Variants in PPP1R12B observed in about 807,000 individuals in gnomAD.
PPP1R12B encodes myosin phosphatase target subunit 2.
PPP1R12B carries 76 observed loss-of-function variants against 126.1 expected under a neutral mutation model. The ratio of observed to expected loss-of-function variants is 0.60; its 90% confidence interval spans 0.50 to 0.73. The LOEUF (loss-of-function observed/expected upper bound fraction) is 0.73. Among genes scored for constraint, PPP1R12B ranks in the 30% least tolerant of loss-of-function variants. PPP1R12B has a pLI of 0.00. For missense variants in PPP1R12B, 1,052 were observed against 1,205.1 expected, an observed-to-expected ratio of 0.87 and a Z score of 1.88; for synonymous variants, 356 against 434.7, an observed-to-expected ratio of 0.82 and a Z score of 2.25.
At chr1:202,401,189 T>G (rs1665772795) in intron 1 of PPP1R12B, among the ~76,000 whole-genome samples, 1 of 151,752 alleles carries the variant, frequency 6.6e-6, no homozygotes, top group Non-Finnish European at 1.5e-5. Flanking sequence ...TTTTTTCTCT[T>G]TTTTCTCTTT....
intron 13 of PPP1R12B, among the ~76,000 whole-genome samples, chr1:202,460,143 C>T (rs1674132337): frequency 6.6e-6 from 1 of 152,198 alleles, no homozygotes; most frequent in Non-Finnish European, 1.5e-5. Flanking sequence ...TTTTCTCTCT[C>T]ACCCAACCCT....
At chr1:202,540,117 G>A (rs773784570) in intron 18 of PPP1R12B, 83 of 1,594,742 alleles carry the variant, frequency 5.2e-5, no homozygotes, top group Middle Eastern at 3.3e-4. Flanking sequence ...GTGGTTGAGT[G>A]TCTATCTGCA....
intron 1 of PPP1R12B, among the ~76,000 whole-genome samples, chr1:202,414,199 G>C (rs1227905336): frequency 6.6e-6 from 1 of 152,220 alleles, no homozygotes; most frequent in Non-Finnish European, 1.5e-5. Context: ...TGGGATTACA[G>C]GCATGAGCCA....
intron 10 of PPP1R12B, chr1:202,438,534 G>A (rs1671149582): frequency 1.4e-5 from 6 of 414,838 alleles, no homozygotes; most frequent in African/African-American, 4.1e-5. Flanking sequence ...AGCTGCCCCC[G>A]CTGGGCATGG....
intron 6 of PPP1R12B, among the ~76,000 whole-genome samples, chr1:202,430,336 C>G (rs1225682813): frequency 2.6e-5 from 4 of 152,116 alleles, no homozygotes; most frequent in South Asian, 2.1e-4. Flanking sequence ...GACCATTTTC[C>G]CTAAGGGCTT....
intron 18 of PPP1R12B, among the ~76,000 whole-genome samples, chr1:202,500,656 A>G (rs1387607226): frequency 2.0e-5 from 3 of 152,210 alleles, no homozygotes; most frequent in Non-Finnish European, 2.9e-5. Flanking sequence ...CTAGTGTTCT[A>G]TAGCACTAAA....
At position 202,348,743 on chromosome 1, in the gene PPP1R12B, CGCCCTCTGCT is replaced by C; in HGVS notation, c.-108_-99del. The C allele has an allele frequency of 7.3e-7, 1 of 1,374,730 alleles. No individual in the cohort carries two copies. Among genetic ancestry groups the C allele is most frequent in the Non-Finnish European group, 9.7e-7 (1 of 1,032,392 alleles). 85.2% of individuals were successfully genotyped at this position (1,374,730 alleles called of 1,614,324 possible). On this transcript the variant is annotated 5_prime_UTR_variant, in exon 1 of 24. An upstream open reading frame in the 5' UTR loses its in-frame stop. Transcript: ENST00000608999. ...GTAAAGATGGCGGCGCGAGGGTCTCCGCCCTCTGCTCCGGGCTGAAGCGCTCTGAGAGAGG... is the reference window on the plus strand; with the variant it reads ...GTAAAGATGGCGGCGCGAGGGTCTCCCCGGGCTGAAGCGCTCTGAGAGAGG...
chr1:202,502,146 CT>C, intron 18 of PPP1R12B: 1 of 985,204 alleles, frequency 1.0e-6, no homozygotes, highest in Non-Finnish European at 1.2e-6. Flanking sequence ...AGCAATGTAG[CT>C]GTCCCCATCC....
intron 1 of PPP1R12B, among the ~76,000 whole-genome samples, chr1:202,365,714 C>T (rs1221427673): frequency 1.3e-5 from 2 of 152,084 alleles, no homozygotes; most frequent in African/African-American, 4.8e-5. Context: ...TCCATTTAGA[C>T]CTCTTTATTT....
At chr1:202,557,065 G>T (rs1458112713) in intron 18 of PPP1R12B, among the ~76,000 whole-genome samples, 1 of 152,212 alleles carries the variant, frequency 6.6e-6, no homozygotes, top group Admixed American at 6.5e-5. Context: ...ACAGCTCACT[G>T]CAGCCTCGAC....
At chr1:202,479,680 A>C (rs1677113778) in intron 13 of PPP1R12B, among the ~76,000 whole-genome samples, 1 of 152,230 alleles carries the variant, frequency 6.6e-6, no homozygotes, top group African/African-American at 2.4e-5. Flanking sequence ...CAATCAGCTC[A>C]GTCTCAAAGT....
At chr1:202,413,096 T>C (rs1439143155) in intron 1 of PPP1R12B, among the ~76,000 whole-genome samples, 1 of 151,898 alleles carries the variant, frequency 6.6e-6, no homozygotes, top group Admixed American at 6.6e-5. Flanking sequence ...TAGACCATTA[T>C]GAATACTGGC....
At chr1:202,438,473 T>C in intron 10 of PPP1R12B, 3 of 416,742 alleles carry the variant, frequency 7.2e-6, no homozygotes, top group South Asian at 6.0e-5. Flanking sequence ...GACTTCAAGG[T>C]GCTGGATGGG....
intron 12 of PPP1R12B, among the ~76,000 whole-genome samples, chr1:202,443,910 G>A (rs1227568006): frequency 6.6e-6 from 1 of 152,226 alleles, no homozygotes; most frequent in African/African-American, 2.4e-5. Context: ...GGTGAACAGT[G>A]AAGGGACAGG....
At chr1:202,540,145 C>T in intron 18 of PPP1R12B, 1 of 1,607,510 alleles carries the variant, frequency 6.2e-7, no homozygotes, top group Non-Finnish European at 8.5e-7. Flanking sequence ...GAACCATGTC[C>T]TCTTTATATA....
chr1:202,538,028 G>A (rs749469317), intron 18 of PPP1R12B, among the ~76,000 whole-genome samples: 4 of 152,100 alleles, frequency 2.6e-5, no homozygotes, highest in South Asian at 2.1e-4. Flanking sequence ...TGTTCTTGTC[G>A]CCCAGGCTAG....
chr1:202,477,399 GA>G, intron 13 of PPP1R12B, among the ~76,000 whole-genome samples: 1 of 152,278 alleles, frequency 6.6e-6, no homozygotes, highest in South Asian at 2.1e-4. Context: ...AGTAAGCTGA[GA>G]AGCCATGGTA....
intron 18 of PPP1R12B, among the ~76,000 whole-genome samples, chr1:202,530,818 G>T (rs1572406440): frequency 6.6e-6 from 1 of 152,166 alleles, no homozygotes; most frequent in African/African-American, 2.4e-5. Context: ...TATTTTGTTG[G>T]TCTGATTTTT....
At chr1:202,567,654 T>C (rs955588844) in intron 21 of PPP1R12B, 124 bp from the exon 22 acceptor site, 9 of 956,790 alleles carry the variant, frequency 9.4e-6, no homozygotes, top group East Asian at 2.5e-5. Context: ...ATCCCTGCTA[T>C]AGGGGAAGTC....
Sources: gnomAD v4.1 joint callset for allele counts (sites outside exome capture counted in the v4.1 genomes callset) on GRCh38, gnomAD v4.1.1 for gene constraint, MANE v1.5 for transcripts, NCBI Gene and HGNC (gene_info 2026-07-23, HGNC 2026-07-21) for gene names.